SNX13: variants seen among roughly 807,000 people sequenced by gnomAD.
The protein encoded by SNX13 is sorting nexin-13.
Under a neutral mutation model 133.6 loss-of-function variants are expected in SNX13, and 45 were observed. The ratio of observed to expected loss-of-function variants is 0.34; its 90% CI spans 0.27 to 0.43. The LOEUF (loss-of-function observed/expected upper bound fraction) is 0.43. SNX13 is among the 20% of genes least tolerant of loss of function. The pLI is 1.00. For missense variants in SNX13, 1,032 were observed against 1,145.1 expected (o/e 0.90, Z 1.43); for synonymous variants, 414 against 373.9 (o/e 1.11, Z -1.24).
chr7:17,938,777 G>A (rs1418140254), intron 1 of SNX13, among the ~76,000 whole-genome samples: 1 of 152,138 alleles, frequency 6.6e-6, no homozygotes, highest in Non-Finnish European at 1.5e-5. Context: ...TAAGTTTAAG[G>A]AAAAGATCAT....
intron 1 of SNX13, among the ~76,000 whole-genome samples, chr7:17,935,520 GAT>G (rs375996287): frequency 2.7e-4 from 41 of 152,226 alleles, no homozygotes; most frequent in African/African-American, 8.9e-4. Flanking sequence ...TAATCAAGGT[GAT>G]ATGTTATTCA....
intron 1 of SNX13, among the ~76,000 whole-genome samples, chr7:17,938,713 C>CT (rs1802399317): frequency 6.6e-6 from 1 of 152,158 alleles, no homozygotes; most frequent in Admixed American, 6.5e-5. Flanking sequence ...TACTGGCAGA[C>CT]ACACAAGTAG....
At chr7:17,851,703 T>C (rs1791227039) in intron 9 of SNX13, among the ~76,000 whole-genome samples, 1 of 102,922 alleles carries the variant, frequency 9.7e-6, no homozygotes, top group Non-Finnish European at 1.8e-5. Context: ...AATTAAGAGA[T>C]GCAGCATTTG....
At chr7:17,818,117 C>G (rs28685050) in intron 18 of SNX13, among the ~76,000 whole-genome samples, 5,806 of 152,182 alleles carry the variant, frequency 0.038, 373 homozygotes, top group African/African-American at 0.13. Context: ...GGCAAGAACC[C>G]TACCATCTAC....
chr7:17,830,693 A>C, intron 15 of SNX13: 2 of 980,590 alleles, frequency 2.0e-6, no homozygotes, highest in Non-Finnish European at 2.4e-6. Context: ...TTAATGTCAA[A>C]CAACAATCTT....
At chr7:17,867,704 T>A (rs532378403) in intron 9 of SNX13, among the ~76,000 whole-genome samples, 1 of 152,196 alleles carries the variant, frequency 6.6e-6, no homozygotes, top group Admixed American at 6.5e-5. Flanking sequence ...AATTCTTTCT[T>A]AAGAAAGCTA....
intron 18 of SNX13, among the ~76,000 whole-genome samples, chr7:17,818,033 T>A (rs751715082): frequency 4.3e-4 from 65 of 152,098 alleles, no homozygotes; most frequent in Non-Finnish European, 8.5e-4. Context: ...TGGTATCCTA[T>A]CAGAAAAGAA....
intron 5 of SNX13, chr7:17,879,993 G>A (rs1370980741): frequency 6.6e-6 from 1 of 152,140 alleles, no homozygotes; most frequent in Non-Finnish European, 1.5e-5. Flanking sequence ...CTGGTAATTG[G>A]GCAGTAGGTA....
At chr7:17,828,463 GA>G (rs1223010384) in intron 16 of SNX13, among the ~76,000 whole-genome samples, 7 of 151,558 alleles carry the variant, frequency 4.6e-5, no homozygotes, top group Non-Finnish European at 8.9e-5. Context: ...GGCACTAAAG[GA>G]AATGCTTGTA....
intron 5 of SNX13, chr7:17,888,424 A>G (rs565536156): frequency 3.0e-5 from 7 of 233,426 alleles, no homozygotes; most frequent in South Asian, 1.5e-4. Context: ...AAGTATTGCA[A>G]TAACAGGAAA....
intron 9 of SNX13, among the ~76,000 whole-genome samples, chr7:17,858,630 G>A (rs1029004671): frequency 3.3e-5 from 5 of 151,956 alleles, no homozygotes; most frequent in African/African-American, 1.2e-4. Flanking sequence ...AAAACTAAAC[G>A]TTTGATAAAT....
chr7:17,873,139 G>C (rs1460041214), intron 8 of SNX13, among the ~76,000 whole-genome samples: 1 of 152,174 alleles, frequency 6.6e-6, no homozygotes, highest in African/African-American at 2.4e-5. Context: ...ACTTCTGGGG[G>C]ATTAGTGGGA....
chr7:17,812,133 C>T (rs1024543396), intron 20 of SNX13, among the ~76,000 whole-genome samples: 1 of 152,006 alleles, frequency 6.6e-6, no homozygotes, highest in Non-Finnish European at 1.5e-5. Flanking sequence ...GCAACAAAAG[C>T]CAAAATTGAC....
chr7:17,840,988 C>T (rs1267862733), intron 12 of SNX13, among the ~76,000 whole-genome samples: 1 of 152,000 alleles, frequency 6.6e-6, no homozygotes, highest in Non-Finnish European at 1.5e-5. Context: ...CTACCATTCC[C>T]CACTCTCAGA....
chr7:17,799,847 TAC>T (rs1784429742), intron 22 of SNX13, among the ~76,000 whole-genome samples: 1 of 151,910 alleles, frequency 6.6e-6, no homozygotes, highest in East Asian at 1.9e-4. Flanking sequence ...AAAAAGCAGG[TAC>T]AGATTTAGTA....
At chr7:17,803,276 T>G (rs1272999354) in intron 21 of SNX13, 143 bp downstream of exon 21, 1 of 703,104 alleles carries the variant, frequency 1.4e-6, no homozygotes, top group Non-Finnish European at 2.1e-6. Flanking sequence ...TCTTTAGTTC[T>G]TTATTCTTTA....
intron 5 of SNX13, among the ~76,000 whole-genome samples, chr7:17,878,902 C>T (rs983876386): frequency 6.6e-6 from 1 of 152,138 alleles, no homozygotes; most frequent in Admixed American, 6.5e-5. Context: ...ATTCCCTCTA[C>T]CAAATTTGCT....
intron 5 of SNX13, among the ~76,000 whole-genome samples, chr7:17,883,800 A>G (rs1031335061): frequency 2.6e-5 from 4 of 151,688 alleles, no homozygotes; most frequent in Non-Finnish European, 5.9e-5. Flanking sequence ...CACGCCACTC[A>G]TGGGTGAGAA....
chr7:17,857,624 A>G (rs938584845), intron 9 of SNX13, among the ~76,000 whole-genome samples: 1 of 152,088 alleles, frequency 6.6e-6, no homozygotes, highest in African/African-American at 2.4e-5. Context: ...TCTCTATTAA[A>G]TATACAGAAA....
Sources: gnomAD v4.1 joint callset for allele counts (sites outside exome capture counted in the v4.1 genomes callset) on GRCh38, gnomAD v4.1.1 for gene constraint, MANE v1.5 for transcripts, NCBI Gene and HGNC (gene_info 2026-07-23, HGNC 2026-07-21) for gene names.